BMP2K: variants seen among roughly 807,000 people sequenced by gnomAD.
BMP2K encodes the protein BMP2 inducible kinase, also known as BMP-2-inducible protein kinase.
In BMP2K, 74 loss-of-function variants were observed where a neutral mutation model predicts 116.0. The ratio of observed to expected loss-of-function variants is 0.64; its 90% CI spans 0.53 to 0.77. The LOEUF is 0.77. BMP2K is among the 30% of genes least tolerant of loss of function. BMP2K has a pLI of 0.00. For synonymous variants in BMP2K, 486 were observed against 502.5 expected (o/e 0.97, Z 0.44); for missense variants, 1,365 against 1,403.6 (o/e 0.97, Z 0.44).
At chr4:78,855,868 T>G (rs1397172209) in intron 7 of BMP2K, among the ~76,000 whole-genome samples, 1 of 152,154 alleles carries the variant, frequency 6.6e-6, no homozygotes, top group Non-Finnish European at 1.5e-5. Context: ...TTTATATTTA[T>G]AGTAGAATCA....
intron 15 of BMP2K, among the ~76,000 whole-genome samples, chr4:78,894,420 C>T (rs1275114304): frequency 2.0e-5 from 3 of 152,188 alleles, no homozygotes; most frequent in Non-Finnish European, 2.9e-5. Context: ...TCCTGCGTTA[C>T]CTGTACTTAC....
rs190140845 is a variant in BMP2K, at chr4:78,845,289, T to C, written c.668+240T>C. Among the ~76,000 whole-genome samples, 233 of 151,758 alleles carry C rather than the reference T, an allele frequency of 1.5e-3. 1 individual carries two copies. The highest frequency in any genetic ancestry group is 2.6e-3 in the Non-Finnish European group (174 of 67,626). ...GATTTGTAAAATTTGTTAAATAAGC[T>C]GTAGTAATTAGTGAAATTGTTAAAG... is the stretch of plus-strand genomic sequence containing the variant. On this transcript the variant is annotated intron_variant, in intron 5 of 15. Transcript: ENST00000502613.
chr4:78,804,490 T>G (rs981175303), intron 1 of BMP2K, among the ~76,000 whole-genome samples: 1 of 152,188 alleles, frequency 6.6e-6, no homozygotes, highest in Non-Finnish European at 1.5e-5. Context: ...GCTTTATGTT[T>G]AACTTTTTGA....
intron 1 of BMP2K, 72 bp downstream of exon 1, chr4:78,776,793 C>T: frequency 8.5e-7 from 1 of 1,182,678 alleles, no homozygotes; most frequent in Non-Finnish European, 1.1e-6. Flanking sequence ...TTCTCCGGGT[C>T]CTCGCCCTCC....
At chr4:78,819,043 G>A (rs1729493201) in intron 1 of BMP2K, among the ~76,000 whole-genome samples, 1 of 152,026 alleles carries the variant, frequency 6.6e-6, no homozygotes, top group East Asian at 1.9e-4. Flanking sequence ...GCACTTCTAT[G>A]TATAATGCCT....
chr4:78,885,783 A>G (rs1733046536), intron 14 of BMP2K, among the ~76,000 whole-genome samples: 1 of 152,200 alleles, frequency 6.6e-6, no homozygotes, highest in Non-Finnish European at 1.5e-5. Flanking sequence ...TTTGATTGCC[A>G]AGAATCAGAG....
chr4:78,879,465 C>G (rs916551009), intron 14 of BMP2K: 3 of 962,996 alleles, frequency 3.1e-6, no homozygotes, highest in Non-Finnish European at 3.7e-6. Context: ...TACTTGGAAT[C>G]ATTGCTTTTC....
intron 15 of BMP2K, among the ~76,000 whole-genome samples, chr4:78,892,841 T>C (rs916218816): frequency 1.1e-4 from 16 of 152,224 alleles, no homozygotes; most frequent in African/African-American, 3.9e-4. Flanking sequence ...TGATAAAAAA[T>C]GCTAACAATC....
Position 78,847,330 on chromosome 4 carries a change from T to C in BMP2K, c.750+61T>C, listed in dbSNP as rs993554842. The C allele has an allele frequency of 2.3e-6, 3 of 1,315,234 alleles. No individual in the cohort carries two copies. The East Asian group carries it at 7.4e-5, about 32-fold the overall frequency. 81.5% of individuals were successfully genotyped at this position (1,315,234 alleles called of 1,614,324 possible). A position where few individuals can be genotyped will look rare whatever the true frequency, so the allele number is the denominator to read the frequency against. On this transcript the variant is annotated intron_variant, in intron 6 of 15. Transcript: ENST00000502613. ...AATTAAAAAATCTGAGTTCAGTTTA[T>C]TATTTTTTACTCTGCTCCCCAAAAG...
intron 1 of BMP2K, among the ~76,000 whole-genome samples, chr4:78,811,469 A>G (rs993113821): frequency 1.3e-5 from 2 of 152,250 alleles, no homozygotes; most frequent in Non-Finnish European, 2.9e-5. Flanking sequence ...AAACAAGTCT[A>G]TCTTATTAGA....
chr4:78,789,498 C>T (rs1029052350), intron 1 of BMP2K, among the ~76,000 whole-genome samples: 7 of 151,956 alleles, frequency 4.6e-5, no homozygotes, highest in Admixed American at 6.6e-5. Flanking sequence ...TAAGGGACCT[C>T]GGGACTTTTA....
intron 1 of BMP2K, among the ~76,000 whole-genome samples, chr4:78,789,047 A>G (rs1483078897): frequency 1.3e-5 from 2 of 152,108 alleles, no homozygotes; most frequent in African/African-American, 4.8e-5. Flanking sequence ...TAAGAACCTG[A>G]ATTTAAAACA....
At position 78,914,864 on chromosome 4, in the gene BMP2K, T is replaced by C. The variant is rs773336728; in HGVS notation, c.*2831T>C. ...TAAATTATTATGAAGCTAGCAAAAA[T>C]CTTGAGGCCAAAGTTGTTTCTTAAC... On this transcript the variant is annotated 3_prime_UTR_variant, in exon 16 of 16. Transcript: ENST00000502613. The C allele has an allele frequency of 8.6e-5, 13 of 151,848 alleles. No individual in the cohort carries two copies. The highest frequency in any genetic ancestry group is 1.8e-4 in the Non-Finnish European group (12 of 67,886). 9.4% of individuals were successfully genotyped at this position (151,848 alleles called of 1,614,324 possible).
rs750097105 is a variant in BMP2K, at chr4:78,847,314, A to T, written c.750+45A>T. On this transcript the variant is annotated intron_variant, in intron 6 of 15. Transcript: ENST00000502613. ...GAACTTGCTCTAACCAAATTAAAAA[A>T]TCTGAGTTCAGTTTATTATTTTTTA... The T allele has an allele frequency of 4.9e-6, 7 of 1,421,060 alleles. No individual in the cohort carries two copies. The African/African-American group carries it at 1.0e-4, about 21-fold the overall frequency. The allele number at this position is 1,421,060 out of a possible 1,614,324, so 88.0% of individuals were successfully genotyped here.
At chr4:78,830,540 A>G (rs2110007624) in intron 2 of BMP2K, among the ~76,000 whole-genome samples, 1 of 152,308 alleles carries the variant, frequency 6.6e-6, no homozygotes, top group African/African-American at 2.4e-5. Flanking sequence ...AGCTCTAAAA[A>G]TCCTAGATGG....
At chr4:78,879,804 G>T (rs1577953750) in intron 14 of BMP2K, 1 of 152,222 alleles carries the variant, frequency 6.6e-6, no homozygotes, top group Admixed American at 6.5e-5. Context: ...GAAATGCTTT[G>T]TTCTGAATTG....
At chr4:78,901,645 T>C (rs372876966) in intron 15 of BMP2K, among the ~76,000 whole-genome samples, 22 of 152,316 alleles carry the variant, frequency 1.4e-4, no homozygotes, top group African/African-American at 4.8e-4. Flanking sequence ...ATTCCCTTTC[T>C]TCTCCCCAGG....
At position 78,776,568 on chromosome 4, in the gene BMP2K, A is replaced by G. The variant is rs1727247417; in HGVS notation, c.25A>G (p.Lys9Glu). ...CATGAAGAAGTTCTCTCGGATGCCC[A>G]AGTCGGAGGGCGGCAGCGGCGGCGG... is the stretch of plus-strand genomic sequence containing the variant. Reference protein sequence around the residue: MKKFSRMPKSEGGSGGGAA... With the variant: MKKFSRMPESEGGSGGGAA... The change falls in exon 1 of 16, where the codon AAG (lysine) becomes GAG (glutamate). Residue 9 changes from lysine (K) to glutamate (E), a missense_variant. Lys to Glu is a moderately conservative substitution (Grantham distance 56, BLOSUM62 1). Coordinates refer to ENST00000502613, the MANE Select transcript of BMP2K (RefSeq NM_198892.2). 2 of 1,153,480 alleles carry G rather than the reference A, an allele frequency of 1.7e-6. No individual in the cohort carries two copies. The highest frequency in any genetic ancestry group is 1.6e-5 in the African/African-American group (1 of 60,812). 71.5% of individuals were successfully genotyped at this position (1,153,480 alleles called of 1,614,324 possible).
chr4:78,872,494 G>A (rs1732413936), intron 12 of BMP2K, 120 bp from the exon 13 acceptor site: 2 of 861,710 alleles, frequency 2.3e-6, no homozygotes, highest in African/African-American at 1.7e-5. Flanking sequence ...GTAGATGATT[G>A]TTTTTTACGT....
Sources: allele counts gnomAD v4.1 joint callset (sites outside exome capture counted in the v4.1 genomes callset), GRCh38; gene constraint gnomAD v4.1.1; transcripts MANE v1.5; gene names NCBI Gene and HGNC (gene_info 2026-07-23, HGNC 2026-07-21).